The following CSMD1 variants were observed in gnomAD, a reference collection of about 807,000 sequenced individuals.
CSMD1 encodes the protein CUB and Sushi multiple domains 1.
CSMD1 carries 213 observed loss-of-function variants against 417.5 expected under a neutral mutation model. That is an observed-to-expected ratio of 0.51 (90% CI 0.46 to 0.57). The LOEUF (loss-of-function observed/expected upper bound fraction) is 0.57. Ranked by LOEUF, CSMD1 falls within the 20% of genes least tolerant of loss-of-function variation. The pLI is 0.00. For synonymous variants in CSMD1, 2,862 were observed against 1,736.8 expected, an observed-to-expected ratio of 1.65 and a Z score of -16.11; for missense variants, 6,923 against 4,529.7, an observed-to-expected ratio of 1.53 and a Z score of -15.17.
At chr8:3,571,144 A>T (rs1191548274) in intron 10 of CSMD1, among the ~76,000 whole-genome samples, 1 of 152,086 alleles carries the variant, frequency 6.6e-6, no homozygotes, top group Non-Finnish European at 1.5e-5. Context: ...GGCAAAATTT[A>T]CCTCCAACTG....
chr8:4,258,944 G>C (rs1031670844), intron 3 of CSMD1, among the ~76,000 whole-genome samples: 1 of 152,058 alleles, frequency 6.6e-6, no homozygotes, highest in African/African-American at 2.4e-5. Flanking sequence ...TTATTTCATC[G>C]ACTTAATACA....
chr8:3,334,927 G>C (rs1018740867), intron 23 of CSMD1, among the ~76,000 whole-genome samples: 3 of 152,242 alleles, frequency 2.0e-5, no homozygotes, highest in Non-Finnish European at 4.4e-5. Flanking sequence ...GCACGGCTAA[G>C]AGCGTCAGCT....
chr8:4,655,746 C>A (rs1299159880), intron 1 of CSMD1, among the ~76,000 whole-genome samples: 1 of 152,094 alleles, frequency 6.6e-6, no homozygotes, highest in African/African-American at 2.4e-5. Context: ...TGCCCAACAG[C>A]TACTCACACT....
chr8:3,999,635 G>A (rs887738954), intron 4 of CSMD1, among the ~76,000 whole-genome samples: 3 of 152,162 alleles, frequency 2.0e-5, no homozygotes, highest in Non-Finnish European at 4.4e-5. Flanking sequence ...TTGGAGTATT[G>A]CATTTCCCAT....
intron 3 of CSMD1, among the ~76,000 whole-genome samples, chr8:4,377,985 A>G (rs1026985285): frequency 6.6e-6 from 1 of 152,210 alleles, no homozygotes; most frequent in African/African-American, 2.4e-5. Flanking sequence ...AGTGCTGTCA[A>G]CAACATTTAA....
intron 3 of CSMD1, among the ~76,000 whole-genome samples, chr8:4,139,590 G>A (rs940941200): frequency 6.6e-6 from 1 of 151,160 alleles, no homozygotes; most frequent in African/African-American, 2.5e-5. Context: ...GGAACTGAGT[G>A]GGCATCAAGG....
intron 25 of CSMD1, among the ~76,000 whole-genome samples, chr8:3,301,321 G>A (rs1486049292): frequency 1.3e-5 from 2 of 152,078 alleles, no homozygotes; most frequent in Non-Finnish European, 2.9e-5. Flanking sequence ...TGGGCAGGGA[G>A]GAGAGTTTGG....
intron 25 of CSMD1, among the ~76,000 whole-genome samples, chr8:3,302,010 C>G (rs1161194623): frequency 6.6e-6 from 1 of 151,920 alleles, no homozygotes; most frequent in Non-Finnish European, 1.5e-5. Flanking sequence ...CTGTACAGTC[C>G]TATTTTCATT....
At position 4,496,278 on chromosome 8, in the gene CSMD1, T is replaced by C. The variant is rs187304160; in HGVS notation, c.303-76213A>G. Among the ~76,000 whole-genome samples the C allele has an allele frequency of 1.5e-3, 230 of 152,272 alleles. 1 individual carries two copies. Among genetic ancestry groups the C allele is most frequent in the African/African-American group, 5.2e-3 (217 of 41,566 alleles). On this transcript the variant is annotated intron_variant, in intron 2 of 69. Transcript: ENST00000635120. ...GCACCACAGCAGTCCGTGGCTGGGATAAGGTGGATTGAAGTGTGAACAATG... is the reference window on the plus strand; with the variant it reads ...GCACCACAGCAGTCCGTGGCTGGGACAAGGTGGATTGAAGTGTGAACAATG...
chr8:4,090,701 C>G (rs1421948001), intron 3 of CSMD1, among the ~76,000 whole-genome samples: 1 of 152,102 alleles, frequency 6.6e-6, no homozygotes, highest in Non-Finnish European at 1.5e-5. Context: ...CTAGTAGGTT[C>G]TAGTGGAGTT....
intron 5 of CSMD1, among the ~76,000 whole-genome samples, chr8:3,990,889 AG>A (rs1814691241): frequency 6.6e-6 from 1 of 152,110 alleles, no homozygotes; most frequent in African/African-American, 2.4e-5. Flanking sequence ...TTGCTCCTGG[AG>A]GTCCATTCTG....
In CSMD1 at chr8:4,368,391, G is replaced by C. The variant is rs559460711; in HGVS notation, c.415+51562C>G. Among the ~76,000 whole-genome samples, 45 of 152,070 alleles carry C rather than the reference G, an allele frequency of 3.0e-4. 1 individual carries two copies. The highest frequency in any genetic ancestry group is 9.6e-4 in the African/African-American group (40 of 41,482). On this transcript the variant is annotated intron_variant, in intron 3 of 69. Transcript: ENST00000635120. Reference sequence around the variant, plus strand: ...ATCTGCTGCTGGATTCAGTTTGCTGGTATTTTCTACGTTCATCAGGAATAT... The same window carrying C: ...ATCTGCTGCTGGATTCAGTTTGCTGCTATTTTCTACGTTCATCAGGAATAT...
intron 8 of CSMD1, among the ~76,000 whole-genome samples, chr8:3,591,809 A>C (rs1490138234): frequency 6.7e-6 from 1 of 149,580 alleles, no homozygotes; most frequent in Non-Finnish European, 1.5e-5. Context: ...GGAAAGATGG[A>C]TAGACAGTGG....
intron 1 of CSMD1, among the ~76,000 whole-genome samples, chr8:4,847,107 T>C (rs985741946): frequency 6.6e-6 from 1 of 152,342 alleles, no homozygotes; most frequent in South Asian, 2.1e-4. Flanking sequence ...TATCAAGCTT[T>C]GATGTGAAAA....
At chr8:3,462,356 C>T (rs368494753) in intron 12 of CSMD1, among the ~76,000 whole-genome samples, 4 of 152,262 alleles carry the variant, frequency 2.6e-5, no homozygotes, top group East Asian at 3.9e-4. Flanking sequence ...GACCAGTACT[C>T]GTCCATGGCC....
intron 3 of CSMD1, among the ~76,000 whole-genome samples, chr8:4,182,846 GAC>G (rs1475846979): frequency 7.2e-5 from 11 of 152,142 alleles, no homozygotes; most frequent in Admixed American, 5.9e-4. Context: ...TAATTATTGA[GAC>G]AGAAATTAAT....
At chr8:3,082,053 C>T (rs569438005) in intron 49 of CSMD1, among the ~76,000 whole-genome samples, 1 of 152,290 alleles carries the variant, frequency 6.6e-6, no homozygotes, top group Admixed American at 6.5e-5. Context: ...TTATCTCTTC[C>T]TTTTTACCTG....
In CSMD1 at chr8:4,200,625, G is replaced by T. The variant is rs1799590741; in HGVS notation, c.416-168526C>A. On this transcript the variant is annotated intron_variant, in intron 3 of 69. Transcript: ENST00000635120. ...AAATCCCAGCACTTTGTAGGCTGAG[G>T]TGGGAGGATTTCTTGAGACTAAGAG... Among the ~76,000 whole-genome samples, 3 of 152,300 alleles carry T rather than the reference G, an allele frequency of 2.0e-5. No individual in the cohort carries two copies. The South Asian group carries it at 6.2e-4, about 32-fold the overall frequency.
chr8:4,150,344 A>T (rs1182056043), intron 3 of CSMD1, among the ~76,000 whole-genome samples: 1 of 152,130 alleles, frequency 6.6e-6, no homozygotes, highest in African/African-American at 2.4e-5. Flanking sequence ...AACCCGTGCC[A>T]TTCTAACTCA....
Sources: allele counts gnomAD v4.1 joint callset (sites outside exome capture counted in the v4.1 genomes callset), GRCh38; gene constraint gnomAD v4.1.1; transcripts MANE v1.5; gene names NCBI Gene and HGNC (gene_info 2026-07-23, HGNC 2026-07-21).